Variants in GSDME observed in about 807,000 individuals in gnomAD.
GSDME encodes gasdermin E.
Under a neutral mutation model 47.5 loss-of-function variants are expected in GSDME, and 44 were observed. That is an observed-to-expected ratio of 0.93 (90% CI 0.73 to 1.19). The LOEUF (loss-of-function observed/expected upper bound fraction) is 1.19. GSDME is among the 50% of genes most tolerant of loss of function. The probability of loss-of-function intolerance (pLI) is 0.00; values close to 1 mark genes in which losing one functional copy is unlikely to be tolerated. For synonymous variants in GSDME, 258 were observed against 252.8 expected (o/e 1.02, Z -0.20); for missense variants, 663 against 604.2 (o/e 1.10, Z -1.02).
intron 9 of GSDME, among the ~76,000 whole-genome samples, chr7:24,701,134 T>A (rs1192145468): frequency 6.6e-6 from 1 of 152,190 alleles, no homozygotes; most frequent in Non-Finnish European, 1.5e-5. Context: ...CAGATGGATT[T>A]TGTGCCGTTT....
the GSDME span, among the ~76,000 whole-genome samples, chr7:24,782,192 A>C: frequency 2.7e-5 from 4 of 149,748 alleles, no homozygotes; most frequent in African/African-American, 7.3e-5. Context: ...CGTTAGGTAT[A>C]TCTCCTAATG....
At chr7:24,793,328 G>C in the GSDME span, among the ~76,000 whole-genome samples, 1 of 152,148 alleles carries the variant, frequency 6.6e-6, no homozygotes, top group Non-Finnish European at 1.5e-5. Flanking sequence ...CCAGTTCACA[G>C]AAAAACTGGA....
chr7:24,701,494 G>GTTATCTAACCCCTTCT, intron 9 of GSDME, among the ~76,000 whole-genome samples: 1 of 152,168 alleles, frequency 6.6e-6, no homozygotes, highest in Non-Finnish European at 1.5e-5. Context: ...TAGATAACAT[G>GTTATCTAACCCCTTCT]GGCTTGGCAG....
chr7:24,699,102 T>C lies in GSDME; in HGVS notation c.1415A>G (p.Lys472Arg). Residue 472 changes from lysine to arginine, a missense_variant, in exon 10 of 10, where the codon AAG becomes AGG. By Grantham distance (26) the Lys-to-Arg change is conservative. Transcript: ENST00000645220. Reference protein sequence around the residue: ...LKSSVKAVILKDSKVFPLLLC... With the variant: ...LKSSVKAVILRDSKVFPLLLC... ...AAGCAGTGGGAAGACTTTAGAGTCC[T>C]TCAGAATGACAGCTTTCACAGATGA... 1.9e-6 allele frequency: 3 copies of C among 1,614,158 alleles called. No individual in the cohort carries two copies. The South Asian group carries it at 3.3e-5, about 18-fold the overall frequency.
At chr7:24,759,450 A>G (rs531469239), upstream of GSDME, among the ~76,000 whole-genome samples, 1 of 152,222 alleles carries the variant, frequency 6.6e-6, no homozygotes, top group South Asian at 2.1e-4. Context: ...AGATAGTAAT[A>G]ATATCAGCTG....
chr7:24,722,235 G>A (rs754467263), intron 3 of GSDME, among the ~76,000 whole-genome samples: 2 of 152,170 alleles, frequency 1.3e-5, no homozygotes, highest in Non-Finnish European at 2.9e-5. Context: ...TCTATTGGTT[G>A]AATGAATGTG....
intron 3 of GSDME, among the ~76,000 whole-genome samples, chr7:24,722,726 G>C (rs769798958): frequency 3.9e-5 from 6 of 152,224 alleles, no homozygotes; most frequent in Non-Finnish European, 8.8e-5. Flanking sequence ...GCTCAGCCTA[G>C]ACTACTCAAG....
At chr7:24,700,278 C>A (rs894181311) in intron 9 of GSDME, among the ~76,000 whole-genome samples, 1 of 152,170 alleles carries the variant, frequency 6.6e-6, no homozygotes, top group African/African-American at 2.4e-5. Flanking sequence ...ACTTTGGATG[C>A]TGCTCTAATT....
At chr7:24,763,252 G>T in the GSDME span, among the ~76,000 whole-genome samples, 1 of 152,038 alleles carries the variant, frequency 6.6e-6, no homozygotes, top group African/African-American at 2.4e-5. This position sits in a 1 kb window ranked among gnomAD's most constrained non-coding sequence, Gnocchi z 4.3. Flanking sequence ...AGAGAGATTT[G>T]GTTCTTGAAA....
the GSDME span, among the ~76,000 whole-genome samples, chr7:24,790,164 A>C: frequency 6.6e-6 from 1 of 152,254 alleles, no homozygotes; most frequent in South Asian, 2.1e-4. The surrounding 1 kb of genome is among the most constrained non-coding windows in gnomAD (Gnocchi z 4.1). Flanking sequence ...CAAGTAGTCA[A>C]GAGCCAATCT....
chr7:24,734,987 T>C (rs1266713616), intron 3 of GSDME, among the ~76,000 whole-genome samples: 1 of 152,086 alleles, frequency 6.6e-6, no homozygotes, highest in Non-Finnish European at 1.5e-5. Flanking sequence ...AAGAAGACTA[T>C]CTCAAGGCAT....
chr7:24,760,833 T>C (rs561024102), upstream of GSDME, among the ~76,000 whole-genome samples: 1 of 152,364 alleles, frequency 6.6e-6, no homozygotes, highest in Non-Finnish European at 1.5e-5. The surrounding 1 kb of genome is among the most constrained non-coding windows in gnomAD (Gnocchi z 4.2). Context: ...AAAAGCTTTA[T>C]AGAGGGTTAA....
In GSDME at chr7:24,725,564, A is replaced by G. The variant is rs2128056145; in HGVS notation, c.405-6346T>C. On this transcript the variant is annotated intron_variant, in intron 3 of 9. Coordinates refer to ENST00000645220, the MANE Select transcript of GSDME (RefSeq NM_001127453.2). The surrounding 1 kb of genome is among the most constrained non-coding windows in gnomAD (Gnocchi z 5.1). The stretch of plus-strand genomic sequence containing the variant: ...ATTCCTGTCCCGTTTAAGGGCTCAC[A>G]ACTCTAAGGGGGTGCGCATGAGAGG... 6.6e-6 allele frequency among the ~76,000 whole-genome samples: 1 copy of G among 152,260 alleles called. No homozygotes were observed. The highest frequency in any genetic ancestry group is 3.4e-3 in the Middle Eastern group (1 of 294).
chr7:24,735,664 A>T lies in GSDME; in HGVS notation c.404+8898T>A, dbSNP rs570313021. 6.6e-5 allele frequency among the ~76,000 whole-genome samples: 10 copies of T among 152,132 alleles called. No homozygotes were observed. Among genetic ancestry groups the T allele is most frequent in the Non-Finnish European group, 1.5e-4 (10 of 68,010 alleles). On this transcript the variant is annotated intron_variant, in intron 3 of 9. Transcript: ENST00000645220. The surrounding 1 kb of genome is among the most constrained non-coding windows in gnomAD (Gnocchi z 4.4). ...TCCCAACTACTCAGGAGGCTGAGGC[A>T]GGAGAATCACTGGAACCTGGGAGGT...
At chr7:24,787,981 A>C in the GSDME span, among the ~76,000 whole-genome samples, 5,830 of 152,292 alleles carry the variant, frequency 0.038, 389 homozygotes, top group African/African-American at 0.13. The surrounding 1 kb of genome is among the most constrained non-coding windows in gnomAD (Gnocchi z 5.0). Flanking sequence ...CTGGGATTAC[A>C]GGTGTGAGCC....
At chr7:24,761,396 C>T (rs1791163639), upstream of GSDME, among the ~76,000 whole-genome samples, 1 of 152,228 alleles carries the variant, frequency 6.6e-6, no homozygotes, top group African/African-American at 2.4e-5. The surrounding 1 kb of genome is among the most constrained non-coding windows in gnomAD (Gnocchi z 4.4). Flanking sequence ...TGGTGAGATC[C>T]TGCTTCCTAG....
chr7:24,727,895 C>T (rs1210591176), intron 3 of GSDME, among the ~76,000 whole-genome samples: 1 of 152,242 alleles, frequency 6.6e-6, no homozygotes, highest in African/African-American at 2.4e-5. Context: ...CAAACCACAT[C>T]TGTGCTGCTT....
At chr7:24,782,605 T>C in the GSDME span, among the ~76,000 whole-genome samples, 1 of 152,180 alleles carries the variant, frequency 6.6e-6, no homozygotes, top group East Asian at 1.9e-4. Flanking sequence ...CTGGGTCAAA[T>C]GGTATTTCTA....
At chr7:24,751,393 GCA>G (rs1790855165) in intron 1 of GSDME, among the ~76,000 whole-genome samples, 1 of 152,308 alleles carries the variant, frequency 6.6e-6, no homozygotes, top group African/African-American at 2.4e-5. Flanking sequence ...TGGCACAGTT[GCA>G]CAGTCACACA....
Sources: gnomAD v4.1 joint callset for allele counts (sites outside exome capture counted in the v4.1 genomes callset) on GRCh38, gnomAD v4.1.1 for gene constraint, Gnocchi (gnomAD v3.1) non-coding constraint, MANE v1.5 for transcripts, NCBI Gene and HGNC (gene_info 2026-07-23, HGNC 2026-07-21) for gene names.